The following RERE variants were observed in gnomAD, a reference collection of about 807,000 sequenced individuals.
The protein encoded by RERE is arginine-glutamic acid dipeptide repeats protein.
RERE carries 40 observed loss-of-function variants against 146.1 expected under a neutral mutation model. The observed-to-expected ratio is 0.27, with a 90% CI of 0.21 to 0.36. The LOEUF (loss-of-function observed/expected upper bound fraction) is 0.36, where lower values mean the gene tolerates loss of function less well. RERE is among the 10% of genes least tolerant of loss of function. The pLI, the probability that RERE is intolerant of heterozygous loss-of-function variation, is 1.00. For synonymous variants in RERE, 1,003 were observed against 866.0 expected, an observed-to-expected ratio of 1.16 and a Z score of -2.78; for missense variants, 1,933 against 2,138.7, an observed-to-expected ratio of 0.90 and a Z score of 1.90.
At chr1:8,377,799 A>C (rs746469196) in intron 12 of RERE, among the ~76,000 whole-genome samples, 5 of 152,186 alleles carry the variant, frequency 3.3e-5, no homozygotes, top group Non-Finnish European at 7.3e-5. Context: ...AGGATGAGAG[A>C]GCGAGGCCTG....
At chr1:8,406,821 A>C (rs537683118) in intron 12 of RERE, among the ~76,000 whole-genome samples, 1 of 152,318 alleles carries the variant, frequency 6.6e-6, no homozygotes, top group African/African-American at 2.4e-5. Context: ...AAACCTAAGA[A>C]GTACTACGTA....
At chr1:8,427,199 G>C (rs1263482816) in intron 11 of RERE, among the ~76,000 whole-genome samples, 4 of 152,086 alleles carry the variant, frequency 2.6e-5, no homozygotes, top group Non-Finnish European at 5.9e-5. Context: ...GGCTAGGGTG[G>C]TCACAGTGGA....
intron 4 of RERE, among the ~76,000 whole-genome samples, chr1:8,598,042 G>A (rs983206531): frequency 6.6e-6 from 1 of 152,102 alleles, no homozygotes; most frequent in Non-Finnish European, 1.5e-5. Flanking sequence ...TGGGGTTGGG[G>A]GAAGCAATAT....
intron 1 of RERE, among the ~76,000 whole-genome samples, chr1:8,792,179 T>C (rs761156012): frequency 2.0e-5 from 3 of 152,218 alleles, no homozygotes; most frequent in African/African-American, 4.8e-5. Flanking sequence ...TAAATTCTTA[T>C]AACCCATTAA....
intron 12 of RERE, among the ~76,000 whole-genome samples, chr1:8,410,071 A>G (rs930452745): frequency 6.6e-6 from 1 of 151,014 alleles, no homozygotes; most frequent in Non-Finnish European, 1.5e-5. Context: ...TCAACTCAAC[A>G]GAACAAACAC....
At position 8,769,739 on chromosome 1, in the gene RERE, A is replaced by G. The variant is rs548184011; in HGVS notation, c.-145+47421T>C. Among the ~76,000 whole-genome samples the G allele has an allele frequency of 2.6e-5, 4 of 151,384 alleles. No individual in the cohort carries two copies. The East Asian group carries it at 5.8e-4, about 22-fold the overall frequency. On this transcript the variant is annotated intron_variant, in intron 1 of 22. Coordinates refer to ENST00000400908, the MANE Select transcript of RERE (RefSeq NM_001042681.2). ...CGATACTCCTGCCTCAGCCTCCCGA[A>G]ATGCTGGGATTACAGACATGAGTCA...
intron 13 of RERE, among the ~76,000 whole-genome samples, 185 bp from the exon 14 acceptor site, chr1:8,365,023 G>A (rs549470680): frequency 1.3e-5 from 2 of 152,318 alleles, no homozygotes; most frequent in Non-Finnish European, 2.9e-5. Flanking sequence ...GGACCACTTC[G>A]AGCTCCTCAG....
At chr1:8,575,988 C>T (rs1374623061) in intron 4 of RERE, among the ~76,000 whole-genome samples, 1 of 152,030 alleles carries the variant, frequency 6.6e-6, no homozygotes, top group Non-Finnish European at 1.5e-5. Flanking sequence ...AGTATATAAC[C>T]TATAATTCTG....
chr1:8,811,430 G>C (rs1414151290), intron 1 of RERE, among the ~76,000 whole-genome samples: 1 of 152,122 alleles, frequency 6.6e-6, no homozygotes, highest in Non-Finnish European at 1.5e-5. Context: ...AACATGACAA[G>C]ACTTGATTTC....
chr1:8,634,340 G>A (rs1348107148), intron 2 of RERE, among the ~76,000 whole-genome samples: 1 of 152,152 alleles, frequency 6.6e-6, no homozygotes, highest in East Asian at 1.9e-4. Context: ...CAAAATGAAG[G>A]ATCAAGGGCT....
intron 7 of RERE, among the ~76,000 whole-genome samples, chr1:8,530,884 G>A (rs1371498507): frequency 6.6e-6 from 1 of 150,414 alleles, no homozygotes; most frequent in Non-Finnish European, 1.5e-5. Context: ...GTAGAGACGG[G>A]GTTTCACCTT....
At chr1:8,486,398 A>T (rs753203004) in intron 10 of RERE, among the ~76,000 whole-genome samples, 26 of 152,178 alleles carry the variant, frequency 1.7e-4, no homozygotes, top group Non-Finnish European at 3.2e-4. Flanking sequence ...CAAAAAATAA[A>T]ACTTAGAGAA....
chr1:8,560,095 T>C (rs575814197), intron 4 of RERE, among the ~76,000 whole-genome samples: 90 of 152,136 alleles, frequency 5.9e-4, no homozygotes, highest in Non-Finnish European at 1.2e-3. Context: ...AGAAAAAATA[T>C]ATATAAACCA....
At chr1:8,553,319 C>T (rs553410563) in intron 6 of RERE, among the ~76,000 whole-genome samples, 48 of 151,942 alleles carry the variant, frequency 3.2e-4, no homozygotes, top group African/African-American at 1.2e-3. Flanking sequence ...CACGTCCACA[C>T]ACTCATGCAA....
chr1:8,669,055 T>C (rs965328007), intron 1 of RERE, among the ~76,000 whole-genome samples: 2 of 142,550 alleles, frequency 1.4e-5, no homozygotes, highest in African/African-American at 2.6e-5. Context: ...TGTGTGTGTG[T>C]GTGTGTGTGT....
chr1:8,762,708 G>T (rs769683960), intron 1 of RERE, among the ~76,000 whole-genome samples: 11 of 152,134 alleles, frequency 7.2e-5, no homozygotes, highest in Non-Finnish European at 1.5e-4. Flanking sequence ...AACGATTCAA[G>T]ATGACCTTAA....
At chr1:8,500,527 G>A (rs932298178) in intron 8 of RERE, among the ~76,000 whole-genome samples, 2 of 152,252 alleles carry the variant, frequency 1.3e-5, no homozygotes, top group African/African-American at 4.8e-5. Flanking sequence ...TGGTGCCCAG[G>A]CTGGAGTGCA....
intron 1 of RERE, among the ~76,000 whole-genome samples, chr1:8,807,323 G>C (rs1468870765): frequency 6.6e-6 from 1 of 152,050 alleles, no homozygotes; most frequent in Non-Finnish European, 1.5e-5. Flanking sequence ...CAAAGCACTA[G>C]GATTACAGTT....
chr1:8,751,473 G>A (rs1640534886), intron 1 of RERE, among the ~76,000 whole-genome samples: 1 of 152,178 alleles, frequency 6.6e-6, no homozygotes, highest in Non-Finnish European at 1.5e-5. Context: ...TTTAAGAGAA[G>A]GGTGGAAGGG....
Sources: allele counts gnomAD v4.1 joint callset (sites outside exome capture counted in the v4.1 genomes callset), GRCh38; gene constraint gnomAD v4.1.1; transcripts MANE v1.5; gene names NCBI Gene and HGNC (gene_info 2026-07-23, HGNC 2026-07-21).